The following UBE3C variants were observed in gnomAD, a reference collection of about 807,000 sequenced individuals.
UBE3C encodes ubiquitin protein ligase E3C.
In UBE3C, 42 loss-of-function variants were observed where a neutral mutation model predicts 129.4. The observed-to-expected ratio is 0.32, with a 90% CI of 0.25 to 0.42. The LOEUF (loss-of-function observed/expected upper bound fraction) is 0.42. Among genes scored for constraint, UBE3C ranks in the 10% least tolerant of loss-of-function variants. The pLI is 1.00. For missense variants in UBE3C, 1,049 were observed against 1,319.1 expected, an observed-to-expected ratio of 0.80 and a Z score of 3.17; for synonymous variants, 510 against 492.4, an observed-to-expected ratio of 1.04 and a Z score of -0.47.
intron 22 of UBE3C, among the ~76,000 whole-genome samples, chr7:157,267,268 A>C (rs1391322498): frequency 6.6e-6 from 1 of 152,114 alleles, no homozygotes; most frequent in African/African-American, 2.4e-5. Context: ...GGAAAAATCC[A>C]AAAATTAGCC....
At chr7:157,260,417 T>G (rs1271059760) in intron 22 of UBE3C, among the ~76,000 whole-genome samples, 2 of 152,110 alleles carry the variant, frequency 1.3e-5, no homozygotes, top group Non-Finnish European at 2.9e-5. Flanking sequence ...CTTCAGAGTT[T>G]GAAGCATGAC....
chr7:157,222,665 C>T (rs1489237521), intron 15 of UBE3C: 1 of 152,308 alleles, frequency 6.6e-6, no homozygotes, highest in African/African-American at 2.4e-5. Flanking sequence ...TCAAGGGATG[C>T]TCTCGCCTCA....
At chr7:157,148,056 A>G (rs1807654475) in intron 1 of UBE3C, among the ~76,000 whole-genome samples, 1 of 152,050 alleles carries the variant, frequency 6.6e-6, no homozygotes, top group Non-Finnish European at 1.5e-5. Flanking sequence ...TGGAATGAGG[A>G]TACTCTAGGG....
intron 22 of UBE3C, among the ~76,000 whole-genome samples, chr7:157,260,214 A>G (rs564295234): frequency 7.2e-5 from 11 of 152,280 alleles, no homozygotes; most frequent in African/African-American, 2.4e-4. Context: ...AGAATCGTAA[A>G]ATAGAAAACA....
intron 11 of UBE3C, among the ~76,000 whole-genome samples, chr7:157,202,364 A>G (rs1809313057): frequency 6.6e-6 from 1 of 152,178 alleles, no homozygotes; most frequent in African/African-American, 2.4e-5. Context: ...CCTCTGCCAG[A>G]AGTCTAAGCC....
chr7:157,156,997 T>C (rs1406386725), intron 1 of UBE3C, among the ~76,000 whole-genome samples: 2 of 152,198 alleles, frequency 1.3e-5, no homozygotes, highest in African/African-American at 4.8e-5. Context: ...ATCATTAGAC[T>C]TTTTAAATTA....
At chr7:157,160,681 A>G (rs1488081457) in intron 1 of UBE3C, among the ~76,000 whole-genome samples, 1 of 152,132 alleles carries the variant, frequency 6.6e-6, no homozygotes, top group African/African-American at 2.4e-5. Flanking sequence ...TAATTGATCT[A>G]TATCTTGAGA....
Position 157,268,467 on chromosome 7 carries a change from T to G in UBE3C, c.*712T>G, listed in dbSNP as rs1271140581. 6.6e-6 allele frequency: 1 copy of G among 152,662 alleles called. No individual in the cohort carries two copies. Among genetic ancestry groups the G allele is most frequent in the Non-Finnish European group, 1.5e-5 (1 of 68,114 alleles). The allele number at this position is 152,662 out of a possible 1,614,324, so 9.5% of individuals were successfully genotyped here. ...ATCTCCACTTTGTGCCTGGAGAGCT[T>G]TCAGGGGAGGTGGAGGAGGAGGGTC... On this transcript the variant is annotated 3_prime_UTR_variant, in exon 23 of 23. Transcript: ENST00000348165.
In UBE3C at chr7:157,256,964, G is replaced by A; in HGVS notation, c.3001G>A (p.Glu1001Lys). 6.2e-7 allele frequency: 1 copy of A among 1,614,196 alleles called. No individual in the cohort carries two copies. The highest frequency in any genetic ancestry group is 8.5e-7 in the Non-Finnish European group (1 of 1,180,034). ...TATTAAGGTCTTCTGGAGAGTTGTG[G>A]AAGGGTTCACTGATGAAGAAAAGCG... The part of the protein sequence containing the change: ...PVIKVFWRVV[E>K]GFTDEEKRKL... Residue 1001 changes from glutamate to lysine, a missense_variant, in exon 22 of 23, where the codon GAA becomes AAA. Glu to Lys is a moderately conservative substitution (Grantham distance 56). Coordinates refer to ENST00000348165, the MANE Select transcript of UBE3C (RefSeq NM_014671.3).
At chr7:157,254,954 C>T (rs1006125719) in intron 21 of UBE3C, among the ~76,000 whole-genome samples, 14 of 118,078 alleles carry the variant, frequency 1.2e-4, no homozygotes, top group Admixed American at 3.6e-4. Flanking sequence ...GGCGTGGTGG[C>T]GTACACCTGC....
chr7:157,237,829 T>C (rs1195680707), intron 18 of UBE3C, among the ~76,000 whole-genome samples: 1 of 152,054 alleles, frequency 6.6e-6, no homozygotes, highest in Middle Eastern at 3.4e-3. Context: ...GAAGAACACT[T>C]AAGCCCAGGA....
chr7:157,240,247 G>T (rs555488928), intron 18 of UBE3C, among the ~76,000 whole-genome samples: 1 of 152,198 alleles, frequency 6.6e-6, no homozygotes, highest in African/African-American at 2.4e-5. Flanking sequence ...TAGAGATGGG[G>T]TTTCGCCATG....
At chr7:157,181,709 C>T (rs752438327) in intron 7 of UBE3C, 38 bp downstream of exon 7, 4 of 1,605,300 alleles carry the variant, frequency 2.5e-6, no homozygotes, top group Non-Finnish European at 3.4e-6. Flanking sequence ...TGTCCTTTCA[C>T]AAGATCTATA....
intron 18 of UBE3C, among the ~76,000 whole-genome samples, chr7:157,243,258 T>C (rs1796392980): frequency 6.6e-6 from 1 of 152,156 alleles, no homozygotes; most frequent in Non-Finnish European, 1.5e-5. Flanking sequence ...AGGCTTTCCT[T>C]GTCTTTATGG....
intron 18 of UBE3C, among the ~76,000 whole-genome samples, chr7:157,242,797 C>T (rs1392109141): frequency 6.6e-6 from 1 of 152,088 alleles, no homozygotes; most frequent in Non-Finnish European, 1.5e-5. Flanking sequence ...TGGCTCAAGC[C>T]TGTAATCCCA....
chr7:157,184,833 A>T (rs1465216621), intron 9 of UBE3C, among the ~76,000 whole-genome samples: 1 of 152,244 alleles, frequency 6.6e-6, no homozygotes, highest in Admixed American at 6.5e-5. Flanking sequence ...TCGATAAGTC[A>T]GCTCAGGGCT....
intron 21 of UBE3C, among the ~76,000 whole-genome samples, chr7:157,255,973 T>C (rs1182360593): frequency 6.6e-6 from 1 of 152,124 alleles, no homozygotes; most frequent in Non-Finnish European, 1.5e-5. Flanking sequence ...AGACACCCAT[T>C]GTCTGTCATG....
chr7:157,260,007 C>T (rs1241840236), intron 22 of UBE3C, among the ~76,000 whole-genome samples: 1 of 151,976 alleles, frequency 6.6e-6, no homozygotes. Flanking sequence ...TCATCGACGC[C>T]GTTATGTTCT....
intron 10 of UBE3C, among the ~76,000 whole-genome samples, chr7:157,196,969 C>CA (rs1224483048): frequency 5.9e-5 from 9 of 151,528 alleles, no homozygotes; most frequent in South Asian, 4.2e-4. Context: ...AACTCCATCT[C>CA]AAAAAAAAGA....
Sources: allele counts gnomAD v4.1 joint callset (sites outside exome capture counted in the v4.1 genomes callset), GRCh38; gene constraint gnomAD v4.1.1; transcripts MANE v1.5; gene names NCBI Gene and HGNC (gene_info 2026-07-23, HGNC 2026-07-21).